The following SGCZ variants were observed in gnomAD, a reference collection of about 807,000 sequenced individuals.
SGCZ encodes the protein zeta-sarcoglycan.
SGCZ carries 40 observed loss-of-function variants against 41.3 expected under a neutral mutation model. The ratio of observed to expected loss-of-function variants is 0.97; its 90% CI spans 0.75 to 1.26. The LOEUF (loss-of-function observed/expected upper bound fraction) is 1.26, where lower values mean the gene tolerates loss of function less well. Among genes scored for constraint, SGCZ ranks in the 50% most tolerant of loss-of-function variants. The pLI is 0.00. For missense variants in SGCZ, 552 were observed against 369.8 expected (o/e 1.49, Z -4.04); for synonymous variants, 206 against 137.5 (o/e 1.50, Z -3.49).
intron 3 of SGCZ, among the ~76,000 whole-genome samples, chr8:14,258,327 A>C (rs1799536557): frequency 6.6e-6 from 1 of 152,140 alleles, no homozygotes; most frequent in African/African-American, 2.4e-5. Flanking sequence ...AAAGAGGGCA[A>C]TGTATTAGTC....
chr8:14,174,182 T>C (rs1380856088), intron 4 of SGCZ, among the ~76,000 whole-genome samples: 1 of 152,088 alleles, frequency 6.6e-6, no homozygotes. Context: ...ATACAATCTT[T>C]AAAAAGAACA....
At chr8:14,697,256 T>G (rs1025157744) in intron 1 of SGCZ, among the ~76,000 whole-genome samples, 2 of 152,032 alleles carry the variant, frequency 1.3e-5, no homozygotes, top group Admixed American at 1.3e-4. Context: ...AATTCTGGCT[T>G]TACTACATGC....
chr8:15,217,135 T>A (rs1382149737), intron 1 of SGCZ, among the ~76,000 whole-genome samples: 13 of 152,122 alleles, frequency 8.5e-5, no homozygotes, highest in Admixed American at 8.5e-4. Context: ...AGAATTGAAC[T>A]GGCCGGGCGC....
intron 2 of SGCZ, among the ~76,000 whole-genome samples, chr8:14,324,711 G>C (rs1750934504): frequency 6.6e-6 from 1 of 152,126 alleles, no homozygotes; most frequent in African/African-American, 2.4e-5. Flanking sequence ...GTAGGTGTCT[G>C]TCAGATCCTT....
chr8:14,371,883 T>C (rs796775018), intron 2 of SGCZ, among the ~76,000 whole-genome samples: 2 of 152,226 alleles, frequency 1.3e-5, no homozygotes, highest in African/African-American at 4.8e-5. Flanking sequence ...AATCTTTATA[T>C]GCCTTGAGGG....
intron 1 of SGCZ, among the ~76,000 whole-genome samples, chr8:15,002,421 T>G (rs1802460011): frequency 6.6e-6 from 1 of 152,190 alleles, no homozygotes; most frequent in South Asian, 2.1e-4. Context: ...TTAAGGTTTC[T>G]GAGGCTTCTT....
At chr8:14,605,140 C>T (rs1315251814) in intron 1 of SGCZ, among the ~76,000 whole-genome samples, 1 of 152,162 alleles carries the variant, frequency 6.6e-6, no homozygotes, top group African/African-American at 2.4e-5. Context: ...GAATATTCAG[C>T]TACTTGCCTC....
chr8:14,775,673 T>G (rs991873971), intron 1 of SGCZ, among the ~76,000 whole-genome samples: 3 of 152,186 alleles, frequency 2.0e-5, no homozygotes, highest in Admixed American at 6.5e-5. Flanking sequence ...GTAAGTGTGG[T>G]TTGGATTTAA....
At chr8:15,139,354 A>G (rs752614411) in intron 1 of SGCZ, among the ~76,000 whole-genome samples, 6 of 152,240 alleles carry the variant, frequency 3.9e-5, no homozygotes, top group African/African-American at 7.2e-5. Context: ...ATGTTTATAC[A>G]TCAAGCACAC....
intron 2 of SGCZ, among the ~76,000 whole-genome samples, chr8:14,347,761 A>G (rs1348346657): frequency 6.6e-6 from 1 of 152,092 alleles, no homozygotes; most frequent in African/African-American, 2.4e-5. Flanking sequence ...GCCATGGGAA[A>G]GAACATCAAT....
At chr8:14,280,607 C>T (rs2116915848) in intron 3 of SGCZ, among the ~76,000 whole-genome samples, 1 of 151,996 alleles carries the variant, frequency 6.6e-6, no homozygotes, top group South Asian at 2.1e-4. Context: ...GTTAATGGCA[C>T]TTAGATTTTT....
At chr8:15,110,084 G>A (rs760764793) in intron 1 of SGCZ, among the ~76,000 whole-genome samples, 9 of 152,036 alleles carry the variant, frequency 5.9e-5, no homozygotes, top group African/African-American at 9.7e-5. Context: ...AAAATCTATC[G>A]TGAGCTTAGA....
At chr8:14,544,910 G>A (rs6990393) in intron 2 of SGCZ, among the ~76,000 whole-genome samples, 11,365 of 151,950 alleles carry the variant, frequency 0.075, 688 homozygotes, top group East Asian at 0.28. Context: ...CCTTATTAGC[G>A]GTTCTGCTTT....
rs114792834 is a variant in SGCZ at position 14,088,973 on chromosome 8, T to A, written c.*1470A>T. On this transcript the variant is annotated 3_prime_UTR_variant, in exon 8 of 8. Transcript: ENST00000382080. Reference sequence around the variant, plus strand: ...TGCATGAGGGAGAAAAACGTTTGATTGACATGTGAAAATTCAGGACTTACC... The same window carrying A: ...TGCATGAGGGAGAAAAACGTTTGATAGACATGTGAAAATTCAGGACTTACC... Among the ~76,000 whole-genome samples the A allele has an allele frequency of 1.3e-5, 2 of 151,872 alleles. No homozygotes were observed. Among genetic ancestry groups the A allele is most frequent in the African/African-American group, 4.8e-5 (2 of 41,396 alleles).
chr8:14,293,366 G>C (rs1800904979), intron 3 of SGCZ, among the ~76,000 whole-genome samples: 1 of 151,922 alleles, frequency 6.6e-6, no homozygotes, highest in Non-Finnish European at 1.5e-5. Context: ...CCAGAGAAGA[G>C]ATATTTCAGT....
At chr8:15,197,295 C>A (rs1350868253) in intron 1 of SGCZ, among the ~76,000 whole-genome samples, 1 of 152,118 alleles carries the variant, frequency 6.6e-6, no homozygotes, top group African/African-American at 2.4e-5. Flanking sequence ...TCGACATTAA[C>A]AATTTCTTTT....
At chr8:14,435,402 A>G (rs1170184473) in intron 2 of SGCZ, among the ~76,000 whole-genome samples, 2 of 152,146 alleles carry the variant, frequency 1.3e-5, no homozygotes, top group Admixed American at 1.3e-4. Flanking sequence ...AACTGAAGCA[A>G]TAGTCACATA....
intron 1 of SGCZ, among the ~76,000 whole-genome samples, chr8:14,674,071 AT>A (rs1389321968): frequency 5.9e-5 from 9 of 152,110 alleles, no homozygotes; most frequent in East Asian, 1.9e-4. Flanking sequence ...ATATATTTTT[AT>A]TTTTTTAGAA....
chr8:14,493,737 G>A (rs1232912438), intron 2 of SGCZ, among the ~76,000 whole-genome samples: 2 of 151,956 alleles, frequency 1.3e-5, no homozygotes, highest in Non-Finnish European at 2.9e-5. Context: ...CCCACCAAGG[G>A]AAGCCTTACC....
Sources: gnomAD v4.1 joint callset for allele counts (sites outside exome capture counted in the v4.1 genomes callset) on GRCh38, gnomAD v4.1.1 for gene constraint, MANE v1.5 for transcripts, NCBI Gene and HGNC (gene_info 2026-07-23, HGNC 2026-07-21) for gene names.